Variants in SLC38A10 observed in about 807,000 individuals in gnomAD.
SLC38A10 encodes the protein Sodium-coupled neutral amino acid transporter 10.
Under a neutral mutation model 81.0 loss-of-function variants are expected in SLC38A10, and 53 were observed. The observed-to-expected ratio is 0.65, with a 90% confidence interval of 0.53 to 0.82. The LOEUF is 0.82. Among genes scored for constraint, SLC38A10 ranks in the 40% least tolerant of loss-of-function variants. SLC38A10 has a pLI of 0.00. For missense variants in SLC38A10, 1,471 were observed against 1,545.0 expected, an observed-to-expected ratio of 0.95 and a Z score of 0.80; for synonymous variants, 665 against 655.3, an observed-to-expected ratio of 1.01 and a Z score of -0.23.
chr17:81,246,076 C>T lies in SLC38A10; in HGVS notation c.2840G>A (p.Gly947Glu), dbSNP rs2062847339. The T allele has an allele frequency of 2.5e-6, 4 of 1,608,770 alleles. No homozygotes were observed. The highest frequency in any genetic ancestry group is 3.4e-6 in the Non-Finnish European group (4 of 1,179,646). The change falls in exon 16 of 16, where the codon GGA becomes GAA. Residue 947 changes from glycine to glutamate, a missense_variant. Around this residue, in one of 2 missense-constraint regions of SLC38A10, gnomAD observed 751 missense variants for 717.4 expected, o/e 1.05. Coordinates refer to ENST00000374759, the MANE Select transcript of SLC38A10 (RefSeq NM_001037984.3). ...LAADLPGGAE[G>E]AAAQPQAVLR... Reference sequence around the variant, plus strand: ...CACAGCCTGGGGCTGTGCAGCTGCTCCTTCCGCCCCACCGGGCAGGTCCGC... The same window carrying T: ...CACAGCCTGGGGCTGTGCAGCTGCTTCTTCCGCCCCACCGGGCAGGTCCGC...
At position 81,245,664 on chromosome 17, in the gene SLC38A10, G is replaced by A; in HGVS notation, c.3252C>T (p.Asp1084=). The A allele has an allele frequency of 6.2e-7, 1 of 1,611,086 alleles. No homozygotes were observed. Among genetic ancestry groups the A allele is most frequent in the South Asian group, 1.1e-5 (1 of 90,894 alleles). ...GCTGGGCATCCAGGGCGCCACGGAGGTCGTTCACCTGGACATCAGGCAGGG... is the reference window on the plus strand; with the variant it reads ...GCTGGGCATCCAGGGCGCCACGGAGATCGTTCACCTGGACATCAGGCAGGG... The part of the protein sequence containing the change: ...LNPLPDVQVN[D]LRGALDAQLR... Residue 1084 remains aspartate (D), a synonymous_variant, in exon 16 of 16, where the codon GAC becomes GAT. Coordinates refer to ENST00000374759, the MANE Select transcript of SLC38A10 (RefSeq NM_001037984.3).
Position 81,284,876 on chromosome 17 carries a change from C to T in SLC38A10, c.237G>A (p.Lys79=), listed in dbSNP as rs1352040572. 1.3e-6 allele frequency: 2 copies of T among 1,545,696 alleles called. No homozygotes were observed. The highest frequency in any genetic ancestry group is 2.5e-5 in the East Asian group (1 of 40,294). ...YAGLAFHAYG[K]AGKMLVETSM... The stretch of plus-strand genomic sequence containing the variant: ...TGGTCTCCACCAGCATCTTGCCTGC[C>T]TTCCCGTAGGCGTGGAATGCTAGTG... Residue 79 remains lysine (K), a synonymous_variant, in exon 3 of 16, where the codon AAG becomes AAA. Coordinates refer to ENST00000374759, the MANE Select transcript of SLC38A10 (RefSeq NM_001037984.3).
intron 6 of SLC38A10, among the ~76,000 whole-genome samples, chr17:81,279,278 A>G (rs2063187743): frequency 6.6e-6 from 1 of 152,176 alleles, no homozygotes; most frequent in Admixed American, 6.5e-5. Context: ...GTATGCATTT[A>G]CCAAAAACGG....
chr17:81,253,303 C>T lies in SLC38A10; in HGVS notation c.1289-63G>A. The T allele has an allele frequency of 6.4e-7, 1 of 1,556,220 alleles. No homozygotes were observed. The highest frequency in any genetic ancestry group is 8.7e-7 in the Non-Finnish European group (1 of 1,145,274). ...GCAGCTCCAGGAGCGGGGCAGCTCT[C>T]CCTGGACTGTTACCATATTTTCCAG... On this transcript the variant is annotated intron_variant, in intron 11 of 15. Transcript: ENST00000374759. This position sits in a 1 kb window ranked among gnomAD's most constrained non-coding sequence, Gnocchi z 4.1.
At chr17:81,290,274 G>C (rs2063300152) in intron 1 of SLC38A10, among the ~76,000 whole-genome samples, 1 of 152,196 alleles carries the variant, frequency 6.6e-6, no homozygotes, top group Admixed American at 6.5e-5. Flanking sequence ...CACTTACCAA[G>C]AGGAATGAAA....
rs768629013 is a variant in SLC38A10 at position 81,247,006 on chromosome 17, T to C, written c.2121A>G (p.Glu707=). ...GCAAGCGCTTTTGCTGCACCTGCTG[T>C]TCTTTGATCACCTGAAGCAGGACGG... ...DHAVLLQVIK[E]QQVQQKRLLD... is the part of the protein sequence containing the mutation. Residue 707 remains glutamate, a synonymous_variant, in exon 15 of 16, where the codon GAA becomes GAG. Transcript: ENST00000374759. The C allele has an allele frequency of 6.2e-7, 1 of 1,604,790 alleles. No individual in the cohort carries two copies. The highest frequency in any genetic ancestry group is 2.2e-5 in the East Asian group (1 of 44,866).
intron 11 of SLC38A10, among the ~76,000 whole-genome samples, chr17:81,255,709 C>G (rs1449211428): frequency 2.0e-5 from 3 of 152,228 alleles, no homozygotes; most frequent in Non-Finnish European, 4.4e-5. Flanking sequence ...CAAAAATCGC[C>G]TCCAGGCCAG....
At position 81,283,025 on chromosome 17, in the gene SLC38A10, C is replaced by T. The variant is rs901436283; in HGVS notation, c.357+384G>A. Among the ~76,000 whole-genome samples the T allele has an allele frequency of 3.9e-5, 6 of 152,160 alleles. No homozygotes were observed. Among genetic ancestry groups the T allele is most frequent in the Non-Finnish European group, 7.4e-5 (5 of 68,026 alleles). On this transcript the variant is annotated intron_variant, in intron 4 of 15. Coordinates refer to ENST00000374759, the MANE Select transcript of SLC38A10 (RefSeq NM_001037984.3). The surrounding 1 kb of genome is among the most constrained non-coding windows in gnomAD (Gnocchi z 4.7). The stretch of plus-strand genomic sequence containing the variant: ...GGAGGAGGCTACCCCAAGGTCCCTG[C>T]AAGAAGTGCTGAGTCCACAGCCCCC...
At chr17:81,287,411 C>T (rs1286561318) in intron 2 of SLC38A10, among the ~76,000 whole-genome samples, 2 of 152,182 alleles carry the variant, frequency 1.3e-5, no homozygotes, top group Non-Finnish European at 2.9e-5. Context: ...GGCCTCGCCT[C>T]AGCTCCAGGA....
rs1567952829 is a variant in SLC38A10, at chr17:81,294,866, A to G, written c.56T>C (p.Ile19Thr). 1.9e-6 allele frequency: 3 copies of G among 1,599,532 alleles called. No homozygotes were observed. The highest frequency in any genetic ancestry group is 1.4e-5 in the African/African-American group (1 of 73,302). Residue 19 changes from isoleucine (I) to threonine (T), a missense_variant, in exon 1 of 16, where the codon ATC becomes ACC. Physicochemically the swap from Ile to Thr is moderately conservative, Grantham distance 89 (BLOSUM62 -1). Transcript: ENST00000374759. ...CATGGTGAGGACACTGACCCCTACG[A>G]TGCTGTTCACGATGTTCGTGATCAG... ...WGLITNIVNSIVGVSVLTMPF... is the reference protein window; with the variant it reads ...WGLITNIVNSTVGVSVLTMPF...
chr17:81,287,943 C>A (rs1260773415), intron 2 of SLC38A10, among the ~76,000 whole-genome samples: 1 of 152,214 alleles, frequency 6.6e-6, no homozygotes, highest in Admixed American at 6.5e-5. Context: ...CTCTGCAGAC[C>A]CAGGAAGGGG....
chr17:81,249,189 A>G (rs1166366732), intron 14 of SLC38A10, among the ~76,000 whole-genome samples: 5 of 129,338 alleles, frequency 3.9e-5, no homozygotes, highest in African/African-American at 1.4e-4. Context: ...AAGAGGAGAC[A>G]GAAGGGAGGA....
Position 81,276,938 on chromosome 17 carries a change from G to A in SLC38A10, c.729+93C>T. ...GAGAGAAAAACCCAGCAGCACACAG[G>A]GCCAGGGCCATGCCTGTGGCAGTCC... is the stretch of plus-strand genomic sequence containing the variant. On this transcript the variant is annotated intron_variant, in intron 7 of 15. Coordinates refer to ENST00000374759, the MANE Select transcript of SLC38A10 (RefSeq NM_001037984.3). The surrounding 1 kb of genome is among the most constrained non-coding windows in gnomAD (Gnocchi z 4.7). The A allele has an allele frequency of 7.7e-7, 1 of 1,293,606 alleles. No individual in the cohort carries two copies. The allele number at this position is 1,293,606 out of a possible 1,614,324, so 80.1% of individuals were successfully genotyped here.
In SLC38A10 at chr17:81,260,274, C is replaced by T. The variant is rs151281009; in HGVS notation, c.1252G>A (p.Glu418Lys). ...EAPGGRLGEA[E>K]GLMKVEAARL... Reference sequence around the variant, plus strand: ...GCTGCCTCCACCTTCATCAAACCCTCGGCCTCTCCAAGCCGGCCGCCAGGG... The same window carrying T: ...GCTGCCTCCACCTTCATCAAACCCTTGGCCTCTCCAAGCCGGCCGCCAGGG... Residue 418 changes from glutamate to lysine, a missense_variant, in exon 11 of 16, where the codon GAG (glutamate) becomes AAG (lysine). This residue lies in a region of SLC38A10 where 720 missense variants were observed against 827.7 expected (regional missense o/e 0.87). Coordinates refer to ENST00000374759, the MANE Select transcript of SLC38A10 (RefSeq NM_001037984.3). The T allele has an allele frequency of 4.1e-4, 663 of 1,605,622 alleles. 4 individuals carry two copies. In the Middle Eastern group the frequency reaches 0.012, roughly 29 times the overall value.
intron 10 of SLC38A10, chr17:81,264,620 A>T (rs2063054247): frequency 6.6e-6 from 1 of 152,296 alleles, no homozygotes; most frequent in Admixed American, 6.5e-5. Flanking sequence ...TTCACTCCAC[A>T]CATGTAGAAA....
intron 8 of SLC38A10, 46 bp downstream of exon 8, chr17:81,275,923 C>A (rs763832742): frequency 1.9e-6 from 3 of 1,568,936 alleles, no homozygotes; most frequent in African/African-American, 1.4e-5. Flanking sequence ...GGGAAGCGAG[C>A]CTGACCTGTG....
In SLC38A10 at chr17:81,283,721, C is replaced by T. The variant is rs1399723607; in HGVS notation, c.264-219G>A. Among the ~76,000 whole-genome samples, 1 of 151,634 alleles carries T rather than the reference C, an allele frequency of 6.6e-6. No homozygotes were observed. The highest frequency in any genetic ancestry group is 1.5e-5 in the Non-Finnish European group (1 of 67,964). On this transcript the variant is annotated intron_variant, in intron 3 of 15. Coordinates refer to ENST00000374759, the MANE Select transcript of SLC38A10 (RefSeq NM_001037984.3). The surrounding 1 kb of genome is among the most constrained non-coding windows in gnomAD (Gnocchi z 4.7). ...CTCCGCCTCCCAGGTTCACGCCATT[C>T]TCCTGCCTCAGCCTCCCGAGTAGCT...
rs535554609 is a variant in SLC38A10, at chr17:81,288,145, G to A, written c.217+1546C>T. Among the ~76,000 whole-genome samples, 19 of 152,358 alleles carry A rather than the reference G, an allele frequency of 1.2e-4. No individual in the cohort carries two copies. The highest frequency in any genetic ancestry group is 1.9e-4 in the Non-Finnish European group (13 of 68,030). On this transcript the variant is annotated intron_variant, in intron 2 of 15. Transcript: ENST00000374759. This position sits in a 1 kb window ranked among gnomAD's most constrained non-coding sequence, Gnocchi z 5.4. ...TACATCCCCTCCGGTTCTGAGGGCC[G>A]AAACGAACGCAGGACTCTCTGTGGC...
intron 3 of SLC38A10, among the ~76,000 whole-genome samples, chr17:81,284,123 C>T (rs1471673013): frequency 2.6e-5 from 4 of 151,462 alleles, no homozygotes; most frequent in South Asian, 2.1e-4. Flanking sequence ...TTTGGGAGGC[C>T]GAGGCAGGCG....
Sources: allele counts gnomAD v4.1 joint callset (sites outside exome capture counted in the v4.1 genomes callset), GRCh38; gene constraint gnomAD v4.1.1; regional missense constraint gnomAD v4.1.1; non-coding constraint Gnocchi (gnomAD v3.1); transcripts MANE v1.5; gene names NCBI Gene and HGNC (gene_info 2026-07-23, HGNC 2026-07-21).